OPRM1: variants seen among roughly 807,000 people sequenced by gnomAD.
OPRM1 encodes opioid receptor mu 1.
In OPRM1, 27 loss-of-function variants were observed where a neutral mutation model predicts 31.8. That is an observed-to-expected ratio of 0.85 (90% CI 0.63 to 1.17). The LOEUF (loss-of-function observed/expected upper bound fraction) is 1.17, where lower values mean the gene tolerates loss of function less well. OPRM1 is among the 50% of genes most tolerant of loss of function. The pLI, the probability that OPRM1 is intolerant of heterozygous loss-of-function variation, is 0.00. For synonymous variants in OPRM1, 196 were observed against 189.9 expected (o/e 1.03, Z -0.26); for missense variants, 536 against 511.1 (o/e 1.05, Z -0.47).
At chr6:154,195,217 G>T (rs542420303) in intron 3 of OPRM1, among the ~76,000 whole-genome samples, 1 of 145,352 alleles carries the variant, frequency 6.9e-6, no homozygotes, top group Non-Finnish European at 1.5e-5. Context: ...GCACGATCTC[G>T]GCTCACTGCA....
chr6:154,072,115 A>G (rs890382834), intron 1 of OPRM1, among the ~76,000 whole-genome samples: 2 of 152,184 alleles, frequency 1.3e-5, no homozygotes, highest in African/African-American at 4.8e-5. Flanking sequence ...GATAAAAATG[A>G]GAATCAACGT....
chr6:154,213,104 G>A (rs1778101145), intron 3 of OPRM1: 2 of 453,278 alleles, frequency 4.4e-6, no homozygotes, highest in East Asian at 3.6e-5. Context: ...CGTAGCTTGG[G>A]GAAAATAAAA....
At chr6:154,114,973 A>G (rs147600401) in intron 3 of OPRM1, among the ~76,000 whole-genome samples, 1 of 152,260 alleles carries the variant, frequency 6.6e-6, no homozygotes, top group East Asian at 1.9e-4. Context: ...GGCTCTTCCA[A>G]TCAAAAAAAT....
intron 1 of OPRM1, among the ~76,000 whole-genome samples, chr6:154,059,773 G>A (rs1166651484): frequency 4.6e-5 from 7 of 152,070 alleles, no homozygotes; most frequent in Non-Finnish European, 4.4e-5. Flanking sequence ...TTATGTTAAT[G>A]CTACATTTAT....
chr6:154,148,594 T>A (rs60356582), intron 3 of OPRM1, among the ~76,000 whole-genome samples: 9,962 of 152,160 alleles, frequency 0.065, 938 homozygotes, highest in African/African-American at 0.21. Flanking sequence ...CGCTCTCTGG[T>A]AGGTATTTTC....
chr6:154,110,886 C>CA (rs374739553), intron 3 of OPRM1, among the ~76,000 whole-genome samples: 2,249 of 63,436 alleles, frequency 0.035, 140 homozygotes, highest in African/African-American at 0.077. Flanking sequence ...GACTCCGTCT[C>CA]AAAAAAAAAA....
rs201738594 is a variant in OPRM1 at position 154,039,294 on chromosome 6, G to A, written c.-251G>A. 127 of 1,551,078 alleles carry A rather than the reference G, an allele frequency of 8.2e-5. No individual in the cohort carries two copies. The highest frequency in any genetic ancestry group is 1.0e-4 in the Non-Finnish European group (120 of 1,146,760). On this transcript the variant is annotated 5_prime_UTR_variant, in exon 1 of 4. Coordinates refer to ENST00000330432, the MANE Select transcript of OPRM1 (RefSeq NM_000914.5). ...ATGGCCCACGCTCCCCTCCTGCAGC[G>A]GTGCGGGGCAGGTGATGAGCCTCTG...
At position 154,108,123 on chromosome 6, in the gene OPRM1, G is replaced by A. The variant is rs534971663; in HGVS notation, c.1165-10560G>A. 2.7e-4 allele frequency: 161 copies of A among 592,342 alleles called. 1 individual carries two copies. The African/African-American group carries it at 2.8e-3, about 10-fold the overall frequency. The allele number at this position is 592,342 out of a possible 1,614,324, so 36.7% of individuals were successfully genotyped here. A position where few individuals can be genotyped will look rare whatever the true frequency, so the allele number is the denominator to read the frequency against. ...AGCGGCCCTAGTGATCCGGCTTGCG[G>A]CACCATCGCCTACGGGCCAAGCTGC... On this transcript the variant is annotated intron_variant, in intron 3 of 3. Coordinates refer to ENST00000330432, the MANE Select transcript of OPRM1 (RefSeq NM_000914.5).
At chr6:154,105,523 T>C (rs549984586) in intron 3 of OPRM1, among the ~76,000 whole-genome samples, 4 of 152,312 alleles carry the variant, frequency 2.6e-5, no homozygotes, top group South Asian at 4.1e-4. Context: ...TAGAGTTCTA[T>C]AGTTGATTAT....
At position 154,181,627 on chromosome 6, in the gene OPRM1, C is replaced by T. The variant is rs116071232; in HGVS notation, c.1165-65066C>T. On this transcript the variant is annotated intron_variant, in intron 3 of 3. Transcript: ENST00000337049. ...ACTGGACAGACCAAGGCTCAGATCC[C>T]TGCTTGAACTACTGCATCTTCAAAG... is the stretch of plus-strand genomic sequence containing the variant. Among the ~76,000 whole-genome samples the T allele has an allele frequency of 1.0e-3, 154 of 152,308 alleles. 1 individual carries two copies. The highest frequency in any genetic ancestry group is 3.6e-3 in the African/African-American group (149 of 41,562).
At chr6:154,191,567 G>A (rs947768020) in intron 3 of OPRM1, among the ~76,000 whole-genome samples, 1 of 151,734 alleles carries the variant, frequency 6.6e-6, no homozygotes, top group Non-Finnish European at 1.5e-5. Flanking sequence ...CTAGCTACTT[G>A]GGAGGCTGAG....
intron 3 of OPRM1, among the ~76,000 whole-genome samples, chr6:154,117,149 C>A (rs1174976526): frequency 1.3e-5 from 2 of 152,192 alleles, no homozygotes; most frequent in African/African-American, 4.8e-5. Flanking sequence ...ACCTTCTGCA[C>A]CATTTGGGCC....
intron 1 of OPRM1, among the ~76,000 whole-genome samples, chr6:154,047,438 TTCTC>T (rs61704475): frequency 0.013 from 1,905 of 146,422 alleles, 21 homozygotes; most frequent in African/African-American, 0.034. Flanking sequence ...GTGGGCAAAA[TTCTC>T]TCTCTCTCTC....
chr6:154,100,118 T>C (rs1373065696), intron 3 of OPRM1, among the ~76,000 whole-genome samples: 1 of 63,650 alleles, frequency 1.6e-5, no homozygotes, highest in Admixed American at 2.0e-4. Flanking sequence ...TATTATATAT[T>C]ATCATATTAT....
chr6:154,036,094 T>C (rs932935983), upstream of OPRM1, among the ~76,000 whole-genome samples: 127 of 152,038 alleles, frequency 8.4e-4, no homozygotes, highest in African/African-American at 2.8e-3. Context: ...TGAACAATTA[T>C]GGAGGAAACA....
In OPRM1 at chr6:154,131,947, T is replaced by C. The variant is rs1382483337; in HGVS notation, c.*13226T>C. Among the ~76,000 whole-genome samples, 1 of 151,494 alleles carries C rather than the reference T, an allele frequency of 6.6e-6. No homozygotes were observed. Among genetic ancestry groups the C allele is most frequent in the African/African-American group, 2.4e-5 (1 of 41,396 alleles). ...AGTTTTTCTATAAGTTTTTGGTTTTTTTTTTTTTTTCTCTTCATTAGTGTG... is the reference window on the plus strand; with the variant it reads ...AGTTTTTCTATAAGTTTTTGGTTTTCTTTTTTTTTTCTCTTCATTAGTGTG... On this transcript the variant is annotated 3_prime_UTR_variant, in exon 4 of 4. Coordinates refer to ENST00000330432, the MANE Select transcript of OPRM1 (RefSeq NM_000914.5).
intron 3 of OPRM1, among the ~76,000 whole-genome samples, chr6:154,231,772 T>A (rs901425318): frequency 6.6e-6 from 1 of 152,172 alleles, no homozygotes; most frequent in Non-Finnish European, 1.5e-5. Flanking sequence ...CGAAGGAGAC[T>A]GACTTGGTTG....
chr6:154,230,815 T>C (rs1228277914), intron 3 of OPRM1, among the ~76,000 whole-genome samples: 10 of 152,058 alleles, frequency 6.6e-5, no homozygotes, highest in Non-Finnish European at 1.2e-4. Context: ...CAACATCTTC[T>C]CCCCTAAAAC....
intron 1 of OPRM1, among the ~76,000 whole-genome samples, chr6:154,027,573 C>T (rs1380786553): frequency 1.3e-5 from 2 of 152,196 alleles, no homozygotes; most frequent in Non-Finnish European, 2.9e-5. Flanking sequence ...GTGACAAGTT[C>T]CTCTCAGGCC....
Sources: gnomAD v4.1 joint callset for allele counts (sites outside exome capture counted in the v4.1 genomes callset) on GRCh38, gnomAD v4.1.1 for gene constraint, MANE v1.5 for transcripts, NCBI Gene and HGNC (gene_info 2026-07-23, HGNC 2026-07-21) for gene names.